The following PLCD3 variants were observed in gnomAD, a reference collection of about 807,000 sequenced individuals.
PLCD3 encodes 1-phosphatidylinositol 4,5-bisphosphate phosphodiesterase delta-3.
A neutral mutation model predicts 82.8 loss-of-function variants in PLCD3; 62 were observed. The ratio of observed to expected loss-of-function variants is 0.75; its 90% CI spans 0.61 to 0.93. The LOEUF (loss-of-function observed/expected upper bound fraction) is 0.93. PLCD3 is among the 40% of genes least tolerant of loss of function. The pLI is 0.00. For synonymous variants in PLCD3, 478 were observed against 471.8 expected (o/e 1.01, Z -0.17); for missense variants, 1,023 against 1,103.4 (o/e 0.93, Z 1.03).
In PLCD3 at chr17:45,118,613, A is replaced by G. The variant is rs2054310815; in HGVS notation, c.914-121T>C. ...CTAGACAATCTACTGACTAGACTCC[A>G]TGTAAGTCATGCCACTTAACCTTCG... On this transcript the variant is annotated intron_variant, in intron 5 of 14. Transcript: ENST00000619929. The surrounding 1 kb of genome is among the most constrained non-coding windows in gnomAD (Gnocchi z 4.1). 1 of 1,231,462 alleles carries G rather than the reference A, an allele frequency of 8.1e-7. No homozygotes were observed. The highest frequency in any genetic ancestry group is 1.5e-5 in the African/African-American group (1 of 67,126). The allele number at this position is 1,231,462 out of a possible 1,614,324, so 76.3% of individuals were successfully genotyped here.
In PLCD3 at chr17:45,111,432, G is replaced by A. The variant is rs951761887; in HGVS notation, c.*1184C>T. 3 of 152,368 alleles carry A rather than the reference G, an allele frequency of 2.0e-5. No homozygotes were observed. Among genetic ancestry groups the A allele is most frequent in the Non-Finnish European group, 4.4e-5 (3 of 68,518 alleles). 9.4% of individuals were successfully genotyped at this position (152,368 alleles called of 1,614,324 possible). The stretch of plus-strand genomic sequence containing the variant: ...GGGGAGGCGCTGACCTGCTGAATTG[G>A]CATCCTCAGACAGTCTTGTGATACT... On this transcript the variant is annotated 3_prime_UTR_variant, in exon 15 of 15. Coordinates refer to ENST00000619929, the MANE Select transcript of PLCD3 (RefSeq NM_133373.5).
chr17:45,120,766 A>T lies in PLCD3; in HGVS notation c.554+136T>A, dbSNP rs2054329891. The T allele has an allele frequency of 7.1e-6, 8 of 1,134,084 alleles. No individual in the cohort carries two copies. The Admixed American group carries it at 2.2e-4, about 31-fold the overall frequency. The allele number at this position is 1,134,084 out of a possible 1,614,324, so 70.3% of individuals were successfully genotyped here. A position where few individuals can be genotyped will look rare whatever the true frequency, so the allele number is the denominator to read the frequency against. On this transcript the variant is annotated intron_variant, in intron 3 of 14. Transcript: ENST00000619929. ...TCCCCACCCTCAGTTTCGAAGACCAAGGGCTCCGACCCAGACCGTGCGCCC... is the reference window on the plus strand; with the variant it reads ...TCCCCACCCTCAGTTTCGAAGACCATGGGCTCCGACCCAGACCGTGCGCCC...
chr17:45,113,105 C>T lies in PLCD3; in HGVS notation c.2131+17G>A, dbSNP rs370542413. On this transcript the variant is annotated intron_variant, in intron 13 of 14. Coordinates refer to ENST00000619929, the MANE Select transcript of PLCD3 (RefSeq NM_133373.5). The stretch of plus-strand genomic sequence containing the variant: ...CTGCAGTCTCCCCCAACCCCACTTC[C>T]GCCAGTGGCTGCCCACCATTGTTGA... 1.9e-4 allele frequency: 303 copies of T among 1,613,224 alleles called. 8 individuals are homozygous for T. The South Asian group carries it at 3.0e-3, about 16-fold the overall frequency.
chr17:45,116,391 G>A (rs1567878753), intron 8 of PLCD3, among the ~76,000 whole-genome samples: 1 of 151,302 alleles, frequency 6.6e-6, no homozygotes, highest in Non-Finnish European at 1.5e-5. Context: ...GGGCCAGCAG[G>A]GCAAAGCCAG....
At position 45,120,460 on chromosome 17, in the gene PLCD3, G is replaced by C. The variant is rs2054327539; in HGVS notation, c.555-6C>G. The C allele has an allele frequency of 6.2e-7, 1 of 1,613,762 alleles. No individual in the cohort carries two copies. Among genetic ancestry groups the C allele is most frequent in the Non-Finnish European group, 8.5e-7 (1 of 1,179,838 alleles). On this transcript the variant is annotated splice_region_variant and splice_polypyrimidine_tract_variant and intron_variant, in intron 3 of 14. Coordinates refer to ENST00000619929, the MANE Select transcript of PLCD3 (RefSeq NM_133373.5). ...GCAGATAGGAGTGGATCCAGGTGTG[G>C]GTGCTCAGGAAATAACAGCAACACG...
chr17:45,120,780 G>T, intron 3 of PLCD3, 122 bp downstream of exon 3: 1 of 1,176,396 alleles, frequency 8.5e-7, no homozygotes, highest in Non-Finnish European at 1.1e-6. Context: ...CTCCGACCCA[G>T]ACCGTGCGCC....
At chr17:45,123,680 C>A (rs1005798486) in intron 1 of PLCD3, among the ~76,000 whole-genome samples, 7 of 152,146 alleles carry the variant, frequency 4.6e-5, no homozygotes, top group Non-Finnish European at 1.0e-4. Context: ...TGGGATGGGG[C>A]CTGGGCATCT....
chr17:45,115,532 G>A (rs748806221), intron 8 of PLCD3, 42 bp from the exon 9 acceptor site: 72 of 1,528,998 alleles, frequency 4.7e-5, no homozygotes, highest in South Asian at 3.1e-4. Flanking sequence ...AGGCCTTCTC[G>A]CCCCTGTGGC....
intron 8 of PLCD3, among the ~76,000 whole-genome samples, chr17:45,116,424 TGG>T (rs367900773): frequency 6.8e-6 from 1 of 147,384 alleles, no homozygotes; most frequent in East Asian, 2.0e-4. Context: ...GGTGTGTGTG[TGG>T]GGGGGTCTAG....
In PLCD3 at chr17:45,113,427, C is replaced by G; in HGVS notation, c.1995+12G>C. ...TCTGACCCCACACTGGGGCCCGTTCCAGCCTGCTGACCTGGATGCTGAGAG... is the reference window on the plus strand; with the variant it reads ...TCTGACCCCACACTGGGGCCCGTTCGAGCCTGCTGACCTGGATGCTGAGAG... On this transcript the variant is annotated intron_variant, in intron 12 of 14. Coordinates refer to ENST00000619929, the MANE Select transcript of PLCD3 (RefSeq NM_133373.5). The G allele has an allele frequency of 6.3e-7, 1 of 1,585,570 alleles. No homozygotes were observed. Among genetic ancestry groups the G allele is most frequent in the Non-Finnish European group, 8.6e-7 (1 of 1,165,924 alleles).
chr17:45,114,378 T>G lies in PLCD3; in HGVS notation c.1712-12A>C, dbSNP rs1377064512. The G allele has an allele frequency of 1.4e-5, 21 of 1,545,802 alleles. No individual in the cohort carries two copies. The highest frequency in any genetic ancestry group is 1.8e-5 in the Non-Finnish European group (21 of 1,144,544). Reference sequence around the variant, plus strand: ...GACAAAGCTGTTCCCTGGGGCAGAGTTGGGGTGAGACCGTGACAGACTCCG... The same window carrying G: ...GACAAAGCTGTTCCCTGGGGCAGAGGTGGGGTGAGACCGTGACAGACTCCG... On this transcript the variant is annotated splice_polypyrimidine_tract_variant and intron_variant, in intron 10 of 14. Transcript: ENST00000619929.
chr17:45,118,407 C>A lies in PLCD3; in HGVS notation c.999G>T (p.Thr333=), dbSNP rs113319557. ...PEGAALDNTH[T]CVFQDMNQPL... is the part of the protein sequence containing the mutation. ...GCTGGTTCATGTCCTGGAACACACA[C>A]GTGTGGGTGTTGTCCAAGGCAGCCC... The change falls in exon 6 of 15, where the codon ACG becomes ACT. Residue 333 remains threonine (T), a synonymous_variant. Transcript: ENST00000619929. This position sits in a 1 kb window ranked among gnomAD's most constrained non-coding sequence, Gnocchi z 4.1. 2 of 1,614,048 alleles carry A rather than the reference C, an allele frequency of 1.2e-6. No individual in the cohort carries two copies. The highest frequency in any genetic ancestry group is 2.2e-5 in the South Asian group (2 of 91,088).
chr17:45,126,470 T>C (rs945808322), intron 1 of PLCD3, among the ~76,000 whole-genome samples: 2 of 147,868 alleles, frequency 1.4e-5, no homozygotes, highest in African/African-American at 2.5e-5. Flanking sequence ...TTCCGGCTAA[T>C]TGTTGTATTT....
rs1372939209 is a variant in PLCD3 at position 45,116,661 on chromosome 17, G to T, written c.1384C>A (p.Pro462Thr). Residue 462 changes from proline to threonine, a missense_variant, in exon 8 of 15, where the codon CCA becomes ACA. Pro to Thr is a conservative substitution (Grantham distance 38, BLOSUM62 -1). This residue lies in a region of PLCD3 where 553 missense variants were observed against 655.7 expected (regional missense o/e 0.84). Coordinates refer to ENST00000619929, the MANE Select transcript of PLCD3 (RefSeq NM_133373.5). ...GGGGATGGCAGCTCCTCGGGATTTG[G>T]GGAGTCCAGCGCCTGTGTCACCAGC... ...DMLVTQALDS[P>T]NPEELPSPEQ... The T allele has an allele frequency of 1.2e-6, 2 of 1,605,194 alleles. No homozygotes were observed. Among genetic ancestry groups the T allele is most frequent in the Admixed American group, 3.4e-5 (2 of 59,258 alleles).
At chr17:45,122,123 C>T (rs888785646) in intron 1 of PLCD3, among the ~76,000 whole-genome samples, 1 of 152,202 alleles carries the variant, frequency 6.6e-6, no homozygotes, top group Non-Finnish European at 1.5e-5. Context: ...GTAACCCAAG[C>T]ACCTTGCCTC....
chr17:45,116,270 C>T (rs1039427995), intron 8 of PLCD3, among the ~76,000 whole-genome samples: 8 of 152,080 alleles, frequency 5.3e-5, no homozygotes, highest in African/African-American at 9.7e-5. Flanking sequence ...AAGCAGGTGA[C>T]GCTTGGCAAG....
At position 45,115,009 on chromosome 17, in the gene PLCD3, C is replaced by G. The variant is rs954699941; in HGVS notation, c.1711+85G>C. The G allele has an allele frequency of 2.1e-5, 31 of 1,506,812 alleles. No individual in the cohort carries two copies. The South Asian group carries it at 4.0e-4, about 20-fold the overall frequency. The allele number at this position is 1,506,812 out of a possible 1,614,324, so 93.3% of individuals were successfully genotyped here. A position where few individuals can be genotyped will look rare whatever the true frequency, so the allele number is the denominator to read the frequency against. ...TCCTCTTGACCTCTTTACTGTCCCC[C>G]AAAGCCCCCTCAACTCCTTTCCAGA... is the stretch of plus-strand genomic sequence containing the variant. On this transcript the variant is annotated intron_variant, in intron 10 of 14. Transcript: ENST00000619929.
intron 1 of PLCD3, among the ~76,000 whole-genome samples, chr17:45,124,592 G>A (rs1435702367): frequency 6.6e-6 from 1 of 152,218 alleles, no homozygotes; most frequent in Non-Finnish European, 1.5e-5. Flanking sequence ...GAGGTAAGGA[G>A]GCAAGGTCAG....
chr17:45,113,750 GA>G, intron 11 of PLCD3, 145 bp from the exon 12 acceptor site: 2 of 1,074,030 alleles, frequency 1.9e-6, no homozygotes, highest in Middle Eastern at 3.1e-4. Context: ...GACTTTAGGG[GA>G]GGGGGTCATG....
Sources: gnomAD v4.1 joint callset for allele counts (sites outside exome capture counted in the v4.1 genomes callset) on GRCh38, gnomAD v4.1.1 for gene constraint, gnomAD v4.1.1 regional missense constraint, Gnocchi (gnomAD v3.1) non-coding constraint, MANE v1.5 for transcripts, NCBI Gene and HGNC (gene_info 2026-07-23, HGNC 2026-07-21) for gene names.